KCNQ1OT1: variants seen among roughly 807,000 people sequenced by gnomAD.
The protein encoded by KCNQ1OT1 is KCNQ1 antisense RNA 2 (non-protein coding).
Position 2,695,729 on chromosome 11 carries a change from A to G in KCNQ1OT1, n.4266T>C, listed in dbSNP as rs957952043. On this transcript the variant is annotated non_coding_transcript_exon_variant, in exon 1 of 1. Transcript: ENST00000597346. The surrounding 1 kb of genome is among the most constrained non-coding windows in gnomAD (Gnocchi z 5.2). ...GTCTCCGTCCCCACCTGCAGCACAC[A>G]GGGAGGCTTGTTCCTTGCCTTCTGC... The G allele has an allele frequency of 7.5e-6, 3 of 398,550 alleles. No individual in the cohort carries two copies. Among genetic ancestry groups the G allele is most frequent in the African/African-American group, 2.1e-5 (1 of 48,640 alleles). The allele number at this position is 398,550 out of a possible 1,614,324, so 24.7% of individuals were successfully genotyped here. A position where few individuals can be genotyped will look rare whatever the true frequency, so the allele number is the denominator to read the frequency against.
chr11:2,640,647 C>T (rs1849559445), exon 1 of KCNQ1OT1: 4 of 397,710 alleles, frequency 1.0e-5, no homozygotes, highest in African/African-American at 2.1e-5. Flanking sequence ...ATGATCAAGT[C>T]AGGGTATCCA....
exon 1 of KCNQ1OT1, chr11:2,666,030 G>GGCAACCA: frequency 2.5e-6 from 1 of 398,680 alleles, no homozygotes; most frequent in Non-Finnish European, 4.4e-6. Flanking sequence ...GTTGCACATG[G>GGCAACCA]ATACCTGAGA....
chr11:2,630,449 CTTTG>C (rs1849334838), exon 1 of KCNQ1OT1: 1 of 398,198 alleles, frequency 2.5e-6, no homozygotes, highest in East Asian at 3.6e-5. Context: ...ATTGTTCCCT[CTTTG>C]TTTGGGGGGA....
chr11:2,672,366 C>G (rs1444894396), exon 1 of KCNQ1OT1: 3 of 398,160 alleles, frequency 7.5e-6, no homozygotes, highest in Admixed American at 4.4e-5. Context: ...GCAGCCTTCA[C>G]AGGCTGATAT....
Position 2,657,803 on chromosome 11 carries a change from A to G in KCNQ1OT1, n.42192T>C, listed in dbSNP as rs1258328990. The stretch of plus-strand genomic sequence containing the variant: ...TTTTGAAGAATACCAGTCAGGTGTC[A>G]TTGTCCCTCAGTTTGGATTTGTCTG... On this transcript the variant is annotated non_coding_transcript_exon_variant, in exon 1 of 1. Transcript: ENST00000597346. This position sits in a 1 kb window ranked among gnomAD's most constrained non-coding sequence, Gnocchi z 4.8. 7.5e-6 allele frequency: 3 copies of G among 398,464 alleles called. No individual in the cohort carries two copies. The highest frequency in any genetic ancestry group is 1.3e-5 in the Non-Finnish European group (3 of 226,052). 24.7% of individuals were successfully genotyped at this position (398,464 alleles called of 1,614,324 possible).
exon 1 of KCNQ1OT1, chr11:2,638,505 C>G (rs1227072209): frequency 6.6e-6 from 1 of 152,178 alleles, no homozygotes; most frequent in Non-Finnish European, 1.5e-5. Context: ...TATTGGCCCC[C>G]ACTCTCTTCT....
chr11:2,668,397 A>G lies in KCNQ1OT1; in HGVS notation n.31598T>C, dbSNP rs148626261. The G allele has an allele frequency of 2.0e-3, 806 of 398,586 alleles. 6 individuals are homozygous for G. The highest frequency in any genetic ancestry group is 0.015 in the African/African-American group (738 of 48,726). The allele number at this position is 398,586 out of a possible 1,614,324, so 24.7% of individuals were successfully genotyped here. A position where few individuals can be genotyped will look rare whatever the true frequency, so the allele number is the denominator to read the frequency against. The stretch of plus-strand genomic sequence containing the variant: ...ATACTACCCAGCAGTCTACCAAAGG[A>G]GTCATTCCAATTTTCATTCCCACAG... On this transcript the variant is annotated non_coding_transcript_exon_variant, in exon 1 of 1. Coordinates refer to ENST00000597346, the Ensembl canonical transcript of KCNQ1OT1. The surrounding 1 kb of genome is among the most constrained non-coding windows in gnomAD (Gnocchi z 4.3).
Position 2,691,848 on chromosome 11 carries a change from A to G in KCNQ1OT1, n.8147T>C. The stretch of plus-strand genomic sequence containing the variant: ...GACCTCTGCCAGGACCATGACCCCT[A>G]GGTCCTCTTTTCCATCCCTCCAGTT... On this transcript the variant is annotated non_coding_transcript_exon_variant, in exon 1 of 1. Coordinates refer to ENST00000597346, the Ensembl canonical transcript of KCNQ1OT1. The surrounding 1 kb of genome is among the most constrained non-coding windows in gnomAD (Gnocchi z 6.4). The G allele has an allele frequency of 5.0e-6, 2 of 398,718 alleles. No homozygotes were observed. The highest frequency in any genetic ancestry group is 8.8e-6 in the Non-Finnish European group (2 of 226,116). 24.7% of individuals were successfully genotyped at this position (398,718 alleles called of 1,614,324 possible). A position where few individuals can be genotyped will look rare whatever the true frequency, so the allele number is the denominator to read the frequency against.
At chr11:2,648,447 C>G (rs1200771227) in exon 1 of KCNQ1OT1, 1 of 398,344 alleles carries the variant, frequency 2.5e-6, no homozygotes, top group Non-Finnish European at 4.4e-6. Context: ...TTGTTGTACC[C>G]TATACATTTT....
At chr11:2,693,818 C>CGGAAGGA (rs1162676113) in exon 1 of KCNQ1OT1, 3 of 398,716 alleles carry the variant, frequency 7.5e-6, no homozygotes, top group African/African-American at 6.2e-5. Context: ...ATAAAGGCAC[C>CGGAAGGA]GGAAGGAAAG....
chr11:2,651,189 G>A lies in KCNQ1OT1; in HGVS notation n.48806C>T, dbSNP rs908910508. 3.5e-5 allele frequency: 14 copies of A among 397,188 alleles called. No individual in the cohort carries two copies. The highest frequency in any genetic ancestry group is 1.2e-4 in the African/African-American group (6 of 48,186). The allele number at this position is 397,188 out of a possible 1,614,324, so 24.6% of individuals were successfully genotyped here. On this transcript the variant is annotated non_coding_transcript_exon_variant, in exon 1 of 1. Coordinates refer to ENST00000597346, the Ensembl canonical transcript of KCNQ1OT1. This position sits in a 1 kb window ranked among gnomAD's most constrained non-coding sequence, Gnocchi z 6.1. ...TGCTGCTTCCCTACTCAAATGTTCCGACAGCTTCCTGTCACCCTGTCTTGT... is the reference window on the plus strand; with the variant it reads ...TGCTGCTTCCCTACTCAAATGTTCCAACAGCTTCCTGTCACCCTGTCTTGT...
rs1440786069 is a variant in KCNQ1OT1, at chr11:2,617,310, A to G, written n.82685T>C. ...CTTTTTTCTTTTTAAGATTCTACATATAGGTGAGATTATTTAAAACTTTTC... is the reference window on the plus strand; with the variant it reads ...CTTTTTTCTTTTTAAGATTCTACATGTAGGTGAGATTATTTAAAACTTTTC... On this transcript the variant is annotated non_coding_transcript_exon_variant, in exon 1 of 1. Transcript: ENST00000597346. The surrounding 1 kb of genome is among the most constrained non-coding windows in gnomAD (Gnocchi z 4.6). 2.5e-6 allele frequency: 1 copy of G among 398,358 alleles called. No homozygotes were observed. Among genetic ancestry groups the G allele is most frequent in the Non-Finnish European group, 4.4e-6 (1 of 225,908 alleles). 24.7% of individuals were successfully genotyped at this position (398,358 alleles called of 1,614,324 possible). A position where few individuals can be genotyped will look rare whatever the true frequency, so the allele number is the denominator to read the frequency against.
chr11:2,658,540 C>T lies in KCNQ1OT1; in HGVS notation n.41455G>A. On this transcript the variant is annotated non_coding_transcript_exon_variant, in exon 1 of 1. Transcript: ENST00000597346. This position sits in a 1 kb window ranked among gnomAD's most constrained non-coding sequence, Gnocchi z 4.9. ...ATACTTCAGGCTCATCTTTTATTTTCCCTACCCTAGCCCTAGAATCATCCA... is the reference window on the plus strand; with the variant it reads ...ATACTTCAGGCTCATCTTTTATTTTTCCTACCCTAGCCCTAGAATCATCCA... 1 of 396,552 alleles carries T rather than the reference C, an allele frequency of 2.5e-6. No homozygotes were observed. The highest frequency in any genetic ancestry group is 4.4e-6 in the Non-Finnish European group (1 of 225,716). 24.6% of individuals were successfully genotyped at this position (396,552 alleles called of 1,614,324 possible).
rs10766212 is a variant in KCNQ1OT1 at position 2,611,922 on chromosome 11, A to G, written n.88073T>C. The G allele has an allele frequency of 0.57, 226,842 of 398,284 alleles. 66,594 individuals are homozygous for G. The highest frequency in any genetic ancestry group is 0.75 in the East Asian group (21,065 of 28,046). 24.7% of individuals were successfully genotyped at this position (398,284 alleles called of 1,614,324 possible). On this transcript the variant is annotated non_coding_transcript_exon_variant, in exon 1 of 1. Transcript: ENST00000597346. This position sits in a 1 kb window ranked among gnomAD's most constrained non-coding sequence, Gnocchi z 5.3. ...ACAATAAGCAGCTTAAGCAAAAACA[A>G]TCTGCTTCAGGTTAATAATCTACTC...
At chr11:2,629,467 TA>T in exon 1 of KCNQ1OT1, 1 of 398,538 alleles carries the variant, frequency 2.5e-6, no homozygotes, top group Admixed American at 4.4e-5. Flanking sequence ...TTTTAGGTCT[TA>T]CATTTAGGTC....
exon 1 of KCNQ1OT1, chr11:2,666,378 G>T: frequency 2.5e-6 from 1 of 398,660 alleles, no homozygotes; most frequent in South Asian, 1.3e-4. Flanking sequence ...CTTGTGACAT[G>T]ACAGCTTCGC....
chr11:2,662,766 G>C (rs1440803177), exon 1 of KCNQ1OT1: 1 of 399,172 alleles, frequency 2.5e-6, no homozygotes, highest in Non-Finnish European at 4.4e-6. Context: ...TAACCCGTTG[G>C]GGATTCCCCT....
exon 1 of KCNQ1OT1, chr11:2,629,033 C>T (rs1385162944): frequency 2.5e-5 from 10 of 398,030 alleles, no homozygotes; most frequent in Middle Eastern, 6.2e-4. Context: ...TAATATCTTT[C>T]ACTTTGTTCT....
exon 1 of KCNQ1OT1, chr11:2,648,047 C>G (rs988857482): frequency 5.2e-6 from 2 of 385,172 alleles, no homozygotes; most frequent in Non-Finnish European, 4.5e-6. Context: ...ACCCCCATCT[C>G]TACCAAAAAA....
Sources: allele counts gnomAD v4.1 joint callset, GRCh38; gene constraint gnomAD v4.1.1; non-coding constraint Gnocchi (gnomAD v3.1); transcripts MANE v1.5; gene names NCBI Gene and HGNC (gene_info 2026-07-23, HGNC 2026-07-21).